The following LRRC41 variants were observed in gnomAD, a reference collection of about 807,000 sequenced individuals.
LRRC41 encodes leucine-rich repeat-containing protein 41.
Under a neutral mutation model 72.1 loss-of-function variants are expected in LRRC41, and 17 were observed. That is an observed-to-expected ratio of 0.24 (90% CI 0.16 to 0.35). The LOEUF is 0.35. Ranked by LOEUF, LRRC41 falls within the 10% of genes least tolerant of loss-of-function variation. The pLI is 1.00. For missense variants in LRRC41, 759 were observed against 1,065.0 expected, an observed-to-expected ratio of 0.71 and a Z score of 4.00; for synonymous variants, 427 against 431.0, an observed-to-expected ratio of 0.99 and a Z score of 0.11.
In LRRC41 at chr1:46,302,416, G is replaced by A. The variant is rs1023966960; in HGVS notation, c.199+708C>T. The A allele has an allele frequency of 4.8e-5, 47 of 985,228 alleles. No individual in the cohort carries two copies. Among genetic ancestry groups the A allele is most frequent in the South Asian group, 9.4e-5 (2 of 21,292 alleles). 61.0% of individuals were successfully genotyped at this position (985,228 alleles called of 1,614,324 possible). A position where few individuals can be genotyped will look rare whatever the true frequency, so the allele number is the denominator to read the frequency against. ...ATCCGAGTGGCCTCCGGCGCTCCCT[G>A]TCCTGCGGGTCGCACGGTCGCTCGG... is the stretch of plus-strand genomic sequence containing the variant. On this transcript the variant is annotated intron_variant, in intron 1 of 9. Transcript: ENST00000617190. This position sits in a 1 kb window ranked among gnomAD's most constrained non-coding sequence, Gnocchi z 4.7.
In LRRC41 at chr1:46,303,351, T is replaced by C. The variant is rs1183354622; in HGVS notation, c.-29A>G. 2.7e-6 allele frequency: 4 copies of C among 1,475,914 alleles called. No homozygotes were observed. Among genetic ancestry groups the C allele is most frequent in the Admixed American group, 2.6e-5 (1 of 39,196 alleles). The allele number at this position is 1,475,914 out of a possible 1,614,324, so 91.4% of individuals were successfully genotyped here. On this transcript the variant is annotated 5_prime_UTR_variant, in exon 1 of 10. Transcript: ENST00000617190. ...GGGGAGGTGCGCGAGCCCGAGAGTG[T>C]CGCCCGCGGACCGCCATCTTGAAAA...
At position 46,278,343 on chromosome 1, in the gene LRRC41, T is replaced by C; in HGVS notation, c.*522A>G. The C allele has an allele frequency of 2.7e-6, 4 of 1,503,958 alleles. No individual in the cohort carries two copies. Among genetic ancestry groups the C allele is most frequent in the Non-Finnish European group, 3.6e-6 (4 of 1,102,614 alleles). The allele number at this position is 1,503,958 out of a possible 1,614,324, so 93.2% of individuals were successfully genotyped here. Reference sequence around the variant, plus strand: ...GAGATAGGGAAAAGGGGCTCCTTGCTCCACAGGGCCCTGTTGAATTTTGTT... The same window carrying C: ...GAGATAGGGAAAAGGGGCTCCTTGCCCCACAGGGCCCTGTTGAATTTTGTT... On this transcript the variant is annotated 3_prime_UTR_variant, in exon 10 of 10. Transcript: ENST00000617190.
intron 1 of LRRC41, chr1:46,300,653 G>C (rs1338029133): frequency 6.6e-6 from 1 of 152,160 alleles, no homozygotes; most frequent in African/African-American, 2.4e-5. Flanking sequence ...AGGTCTCTCT[G>C]CTGCATTCAT....
rs1159866779 is a variant in LRRC41, at chr1:46,297,649, T to C, written c.287-16A>G. The C allele has an allele frequency of 6.2e-6, 10 of 1,605,544 alleles. No homozygotes were observed. The highest frequency in any genetic ancestry group is 1.3e-5 in the African/African-American group (1 of 74,760). ...GTTGAGAGGCCTGTAAGGAGAAATATCACACTTGGCTGCTTACTGGCCACC... is the reference window on the plus strand; with the variant it reads ...GTTGAGAGGCCTGTAAGGAGAAATACCACACTTGGCTGCTTACTGGCCACC... On this transcript the variant is annotated splice_polypyrimidine_tract_variant and intron_variant, in intron 2 of 9. Coordinates refer to ENST00000617190, the MANE Select transcript of LRRC41 (RefSeq NM_006369.5).
At chr1:46,294,555 T>C (rs1052825387) in intron 3 of LRRC41, among the ~76,000 whole-genome samples, 21 of 151,638 alleles carry the variant, frequency 1.4e-4, no homozygotes, top group Non-Finnish European at 2.7e-4. Context: ...TCAGTCACTG[T>C]ACCCGACTCT....
At chr1:46,281,693 G>C (rs1008170674) in intron 4 of LRRC41, among the ~76,000 whole-genome samples, 8 of 152,228 alleles carry the variant, frequency 5.3e-5, no homozygotes, top group African/African-American at 1.9e-4. Flanking sequence ...ACAGACAGTA[G>C]CAGTTCTCTG....
intron 5 of LRRC41, 73 bp from the exon 6 acceptor site, chr1:46,280,633 C>G: frequency 6.9e-7 from 1 of 1,457,334 alleles, no homozygotes; most frequent in Non-Finnish European, 9.4e-7. Context: ...CCATCCTGTT[C>G]TTAAGGGATT....
At position 46,295,473 on chromosome 1, in the gene LRRC41, T is replaced by C. The variant is rs150204439; in HGVS notation, c.357+2090A>G. Among the ~76,000 whole-genome samples, 315 of 152,328 alleles carry C rather than the reference T, an allele frequency of 2.1e-3. 4 individuals are homozygous for C. Among genetic ancestry groups the C allele is most frequent in the African/African-American group, 7.1e-3 (296 of 41,580 alleles). On this transcript the variant is annotated intron_variant, in intron 3 of 9. Coordinates refer to ENST00000617190, the MANE Select transcript of LRRC41 (RefSeq NM_006369.5). ...TATCCCTGGAACCTAGCATAATGCA[T>C]GGAACTGAGCAGGCACTGAATAACT... is the stretch of plus-strand genomic sequence containing the variant.
Position 46,279,130 on chromosome 1 carries a change from T to C in LRRC41, c.2220-46A>G. On this transcript the variant is annotated intron_variant, in intron 9 of 9. Coordinates refer to ENST00000617190, the MANE Select transcript of LRRC41 (RefSeq NM_006369.5). The surrounding 1 kb of genome is among the most constrained non-coding windows in gnomAD (Gnocchi z 4.5). Reference sequence around the variant, plus strand: ...AGATATCCAGGAAGCAGTGAATTCCTGGTCTATATCTCTGTAGCCCCATCC... The same window carrying C: ...AGATATCCAGGAAGCAGTGAATTCCCGGTCTATATCTCTGTAGCCCCATCC... 1.2e-6 allele frequency: 2 copies of C among 1,611,400 alleles called. No homozygotes were observed. Among genetic ancestry groups the C allele is most frequent in the East Asian group, 2.2e-5 (1 of 44,836 alleles).
chr1:46,282,457 G>A (rs1027299571), intron 4 of LRRC41, among the ~76,000 whole-genome samples: 4 of 152,198 alleles, frequency 2.6e-5, no homozygotes, highest in African/African-American at 9.6e-5. Context: ...TTTTTTGCTA[G>A]ACACTAGTGA....
At position 46,279,284 on chromosome 1, in the gene LRRC41, ACCT is replaced by A. The variant is rs750872047; in HGVS notation, c.2144-30_2144-28del. On this transcript the variant is annotated intron_variant, in intron 8 of 9. Transcript: ENST00000617190. The surrounding 1 kb of genome is among the most constrained non-coding windows in gnomAD (Gnocchi z 4.5). ...TGGAGAGAAGGGGAGAACGCCTATC[ACCT>A]CCACCCAAGAACAGGGGACAAGGGT... 2.0e-5 allele frequency: 33 copies of A among 1,611,054 alleles called. No individual in the cohort carries two copies. In the Admixed American group the frequency reaches 5.5e-4, roughly 27 times the overall value.
At position 46,279,508 on chromosome 1, in the gene LRRC41, C is replaced by T. The variant is rs374531199; in HGVS notation, c.2127G>A (p.Leu709=). 4.3e-6 allele frequency: 7 copies of T among 1,614,244 alleles called. No homozygotes were observed. The highest frequency in any genetic ancestry group is 5.9e-6 in the Non-Finnish European group (7 of 1,180,040). ...KGNSTLKGLR[L]PGNRLGNAGL... ...GGCCCCCACCCAGGCGGTTCCCTGG[C>T]AGCCGGAGGCCCTTCAGTGTGGAGT... Residue 709 remains leucine, a synonymous_variant, in exon 8 of 10, where the codon CTG becomes CTA. Transcript: ENST00000617190. The surrounding 1 kb of genome is among the most constrained non-coding windows in gnomAD (Gnocchi z 4.5).
rs1476029425 is a variant in LRRC41 at position 46,303,212 on chromosome 1, G to A, written c.111C>T (p.Ala37=). 1 of 1,568,270 alleles carries A rather than the reference G, an allele frequency of 6.4e-7. No individual in the cohort carries two copies. Among genetic ancestry groups the A allele is most frequent in the South Asian group, 1.2e-5 (1 of 85,866 alleles). Residue 37 remains alanine (A), a synonymous_variant, in exon 1 of 10, where the codon GCC becomes GCT. Coordinates refer to ENST00000617190, the MANE Select transcript of LRRC41 (RefSeq NM_006369.5). The part of the protein sequence containing the change: ...SREAAPAKSS[A]SGPNAPPALF... ...GGGCGGGGGGAGCGTTGGGGCCCGA[G>A]GCCGAGCTCTTCGCTGGCGCCGCCT... is the stretch of plus-strand genomic sequence containing the variant.
chr1:46,286,606 A>T lies in LRRC41; in HGVS notation c.358-107T>A. 9.7e-7 allele frequency: 1 copy of T among 1,032,922 alleles called. No homozygotes were observed. Among genetic ancestry groups the T allele is most frequent in the Non-Finnish European group, 1.4e-6 (1 of 716,208 alleles). The allele number at this position is 1,032,922 out of a possible 1,614,324, so 64.0% of individuals were successfully genotyped here. On this transcript the variant is annotated intron_variant, in intron 3 of 9. Transcript: ENST00000617190. The surrounding 1 kb of genome is among the most constrained non-coding windows in gnomAD (Gnocchi z 5.5). ...TTTACTGAGTCAGGCAACACTACAA[A>T]TTCATTTAATCTTCACATCTCTGAG... is the stretch of plus-strand genomic sequence containing the variant.
At chr1:46,283,281 T>C (rs1660817792) in intron 4 of LRRC41, among the ~76,000 whole-genome samples, 1 of 151,998 alleles carries the variant, frequency 6.6e-6, no homozygotes, top group Admixed American at 6.6e-5. Flanking sequence ...AATGGTAGCT[T>C]GAATTAAGGA....
chr1:46,278,604 G>A lies in LRRC41; in HGVS notation c.*261C>T. Reference sequence around the variant, plus strand: ...GGGAGGGGATCTCTTCAGCAATTATGATGACCACTGTAACCTCCTGGCCCA... The same window carrying A: ...GGGAGGGGATCTCTTCAGCAATTATAATGACCACTGTAACCTCCTGGCCCA... On this transcript the variant is annotated 3_prime_UTR_variant, in exon 10 of 10. Coordinates refer to ENST00000617190, the MANE Select transcript of LRRC41 (RefSeq NM_006369.5). 1 of 606,596 alleles carries A rather than the reference G, an allele frequency of 1.6e-6. No homozygotes were observed. The highest frequency in any genetic ancestry group is 2.1e-5 in the South Asian group (1 of 48,762). The allele number at this position is 606,596 out of a possible 1,614,324, so 37.6% of individuals were successfully genotyped here.
intron 3 of LRRC41, among the ~76,000 whole-genome samples, chr1:46,287,601 G>A (rs1660911974): frequency 6.6e-6 from 1 of 152,176 alleles, no homozygotes; most frequent in Admixed American, 6.5e-5. Context: ...TCTTGCTTAT[G>A]AGAATGCTTT....
chr1:46,282,449 T>G (rs548831842), intron 4 of LRRC41, among the ~76,000 whole-genome samples: 11 of 152,318 alleles, frequency 7.2e-5, no homozygotes, highest in Middle Eastern at 3.4e-3. Flanking sequence ...ATATCAAGTT[T>G]TTTGCTAGAC....
At chr1:46,283,972 AT>A (rs962125882) in intron 4 of LRRC41, among the ~76,000 whole-genome samples, 1 of 152,082 alleles carries the variant, frequency 6.6e-6, no homozygotes, top group African/African-American at 2.4e-5. Flanking sequence ...CCAAGAAAAC[AT>A]TTTTTAAGGT....
Sources: allele counts gnomAD v4.1 joint callset (sites outside exome capture counted in the v4.1 genomes callset), GRCh38; gene constraint gnomAD v4.1.1; non-coding constraint Gnocchi (gnomAD v3.1); transcripts MANE v1.5; gene names NCBI Gene and HGNC (gene_info 2026-07-23, HGNC 2026-07-21).